DPYD: variants seen among roughly 807,000 people sequenced by gnomAD.
The protein encoded by DPYD is dihydropyrimidine dehydrogenase [NADP(+)].
In DPYD, 109 loss-of-function variants were observed where a neutral mutation model predicts 116.2. The observed-to-expected ratio is 0.94, with a 90% CI of 0.80 to 1.10. The LOEUF (loss-of-function observed/expected upper bound fraction) is 1.10, where lower values mean the gene tolerates loss of function less well. DPYD is among the 50% of genes least tolerant of loss of function. The probability of loss-of-function intolerance (pLI) is 0.00; values close to 1 mark genes in which losing one functional copy is unlikely to be tolerated. For missense variants in DPYD, 1,302 were observed against 1,254.5 expected (o/e 1.04, Z -0.57); for synonymous variants, 440 against 432.0 (o/e 1.02, Z -0.23).
chr1:97,463,623 T>C (rs911840668), intron 13 of DPYD, among the ~76,000 whole-genome samples: 1 of 152,044 alleles, frequency 6.6e-6, no homozygotes, highest in African/African-American at 2.4e-5. Flanking sequence ...GTAGGAAAGT[T>C]TGGAACTCCC....
intron 13 of DPYD, among the ~76,000 whole-genome samples, chr1:97,480,504 G>A (rs141510002): frequency 3.0e-3 from 461 of 152,178 alleles, no homozygotes; most frequent in African/African-American, 0.01. Context: ...CATACTCTTC[G>A]GAAGCATGAA....
intron 1 of DPYD, among the ~76,000 whole-genome samples, chr1:97,910,132 G>A (rs1209762119): frequency 6.6e-6 from 1 of 151,710 alleles, no homozygotes; most frequent in Non-Finnish European, 1.5e-5. Context: ...ACATTTTCTT[G>A]GTTTATTTTT....
intron 19 of DPYD, among the ~76,000 whole-genome samples, chr1:97,198,435 G>C (rs1658966106): frequency 6.6e-6 from 1 of 152,180 alleles, no homozygotes. Flanking sequence ...ATACTAATAA[G>C]ACTAAAAATA....
chr1:97,398,017 A>T (rs535070430), intron 14 of DPYD, among the ~76,000 whole-genome samples: 14 of 151,924 alleles, frequency 9.2e-5, no homozygotes, highest in Non-Finnish European at 1.9e-4. Flanking sequence ...ACATATGTAT[A>T]CATGTGTCCA....
chr1:97,269,710 T>C (rs1664453935), intron 18 of DPYD, among the ~76,000 whole-genome samples: 1 of 152,156 alleles, frequency 6.6e-6, no homozygotes, highest in Non-Finnish European at 1.5e-5. Flanking sequence ...AGAGCTCTGA[T>C]ATCTCTTCCT....
intron 2 of DPYD, among the ~76,000 whole-genome samples, chr1:97,882,018 A>T (rs969587746): frequency 6.6e-5 from 10 of 151,534 alleles, no homozygotes; most frequent in Non-Finnish European, 1.0e-4. Flanking sequence ...ATAATAATAA[A>T]AAAAAGAAAA....
At chr1:97,262,591 T>A (rs536062700) in intron 18 of DPYD, among the ~76,000 whole-genome samples, 176 of 152,234 alleles carry the variant, frequency 1.2e-3, no homozygotes, top group Non-Finnish European at 1.8e-3. Context: ...CTTTATTTCT[T>A]TTATGATCTA....
At chr1:97,729,083 G>T (rs1663438644) in intron 4 of DPYD, among the ~76,000 whole-genome samples, 1 of 151,926 alleles carries the variant, frequency 6.6e-6, no homozygotes, top group African/African-American at 2.4e-5. Flanking sequence ...TACACATTTG[G>T]TTCAGTGAGC....
At chr1:97,748,008 A>G (rs1664651979) in intron 3 of DPYD, among the ~76,000 whole-genome samples, 1 of 152,184 alleles carries the variant, frequency 6.6e-6, no homozygotes, top group Non-Finnish European at 1.5e-5. Context: ...TGAAACTTAT[A>G]TATTGCTTTC....
chr1:97,173,212 A>G (rs1313464724), intron 20 of DPYD, among the ~76,000 whole-genome samples: 2 of 141,246 alleles, frequency 1.4e-5, no homozygotes, highest in African/African-American at 2.6e-5. Flanking sequence ...GTACATATAT[A>G]CACATATACG....
intron 12 of DPYD, among the ~76,000 whole-genome samples, chr1:97,547,934 G>T (rs1651026653): frequency 1.3e-5 from 2 of 152,132 alleles, no homozygotes; most frequent in South Asian, 4.1e-4. Context: ...ACTTTTAAAA[G>T]ATGATACTAT....
chr1:97,669,493 C>T (rs1251413175), intron 8 of DPYD, among the ~76,000 whole-genome samples: 1 of 152,064 alleles, frequency 6.6e-6, no homozygotes, highest in Non-Finnish European at 1.5e-5. Context: ...CATTCAAAGG[C>T]AAGATCTGAA....
intron 13 of DPYD, among the ~76,000 whole-genome samples, chr1:97,501,465 G>A (rs1056143830): frequency 6.6e-6 from 1 of 152,014 alleles, no homozygotes. Context: ...ACTTTGGAAG[G>A]CCAGCACAGG....
intron 12 of DPYD, among the ~76,000 whole-genome samples, chr1:97,533,929 C>G (rs1205315917): frequency 2.0e-5 from 3 of 152,060 alleles, no homozygotes; most frequent in African/African-American, 4.8e-5. Context: ...TCATTTGTAT[C>G]CTTCTGTTCC....
At chr1:97,591,568 G>A (rs1654523459) in intron 10 of DPYD, among the ~76,000 whole-genome samples, 1 of 152,136 alleles carries the variant, frequency 6.6e-6, no homozygotes, top group Non-Finnish European at 1.5e-5. Context: ...TAAGACAGAA[G>A]AAATAACCAC....
chr1:97,595,473 T>A (rs1408296068), intron 8 of DPYD, among the ~76,000 whole-genome samples: 1 of 151,970 alleles, frequency 6.6e-6, no homozygotes, highest in African/African-American at 2.4e-5. Flanking sequence ...CAGGTTATAT[T>A]CTTGCCTCAT....
intron 8 of DPYD, among the ~76,000 whole-genome samples, chr1:97,665,360 C>A (rs1659500332): frequency 6.6e-6 from 1 of 152,086 alleles, no homozygotes; most frequent in African/African-American, 2.4e-5. Flanking sequence ...ATCATGCCTC[C>A]CATAAAATAA....
chr1:97,659,152 A>G (rs1659109494), intron 8 of DPYD, among the ~76,000 whole-genome samples: 1 of 152,284 alleles, frequency 6.6e-6, no homozygotes, highest in South Asian at 2.1e-4. Flanking sequence ...TTATGTTATT[A>G]CCATATTTTG....
chr1:97,176,319 G>T (rs868643043), intron 20 of DPYD, among the ~76,000 whole-genome samples: 3 of 152,186 alleles, frequency 2.0e-5, no homozygotes, highest in East Asian at 3.9e-4. Flanking sequence ...CCTGCATTCT[G>T]CCATGAAATC....
Sources: gnomAD v4.1 joint callset for allele counts (sites outside exome capture counted in the v4.1 genomes callset) on GRCh38, gnomAD v4.1.1 for gene constraint, MANE v1.5 for transcripts, NCBI Gene and HGNC (gene_info 2026-07-23, HGNC 2026-07-21) for gene names.